Variants in DAB1 observed in about 807,000 individuals in gnomAD.
DAB1 encodes the protein disabled homolog 1.
DAB1 carries 15 observed loss-of-function variants against 64.6 expected under a neutral mutation model. The observed-to-expected ratio is 0.23, with a 90% confidence interval of 0.16 to 0.36. The LOEUF is 0.36. Among genes scored for constraint, DAB1 ranks in the 10% least tolerant of loss-of-function variants. The probability of loss-of-function intolerance (pLI) is 1.00; values close to 1 mark genes in which losing one functional copy is unlikely to be tolerated. For missense variants in DAB1, 596 were observed against 706.7 expected (o/e 0.84, Z 1.78); for synonymous variants, 235 against 251.9 (o/e 0.93, Z 0.64).
intron 5 of DAB1, among the ~76,000 whole-genome samples, chr1:58,127,678 G>A (rs2100687111): frequency 6.6e-6 from 1 of 152,224 alleles, no homozygotes; most frequent in Admixed American, 6.5e-5. Context: ...TTCTACATAT[G>A]GCTAGCCAGT....
chr1:58,339,392 A>G (rs1383591410), intron 4 of DAB1, among the ~76,000 whole-genome samples: 1 of 152,198 alleles, frequency 6.6e-6, no homozygotes, highest in Non-Finnish European at 1.5e-5. Context: ...AGGAGCTTAT[A>G]TTTGGCAGGG....
intron 9 of DAB1, among the ~76,000 whole-genome samples, chr1:57,054,470 CTTTTTTT>C (rs58175883): frequency 2.9e-5 from 2 of 69,450 alleles, no homozygotes; most frequent in South Asian, 6.7e-4. Flanking sequence ...CAGGAATGTG[CTTTTTTT>C]TTTTTTTTTT....
chr1:57,443,754 T>C (rs1293558129), intron 7 of DAB1, among the ~76,000 whole-genome samples: 1 of 152,194 alleles, frequency 6.6e-6, no homozygotes, highest in Non-Finnish European at 1.5e-5. Context: ...AACTCCAACA[T>C]ATAACTCAAA....
At chr1:57,801,497 G>A (rs189698130) in intron 6 of DAB1, among the ~76,000 whole-genome samples, 274 of 152,226 alleles carry the variant, frequency 1.8e-3, no homozygotes, top group African/African-American at 6.4e-3. Flanking sequence ...TCTTTGGAAT[G>A]TACTTTTGGA....
At chr1:57,626,759 G>C (rs886675836) in intron 7 of DAB1, among the ~76,000 whole-genome samples, 2 of 152,178 alleles carry the variant, frequency 1.3e-5, no homozygotes, top group Non-Finnish European at 2.9e-5. Context: ...CATGGCAGAA[G>C]AGGTGAGGGA....
chr1:58,172,602 T>G (rs1656238319), intron 4 of DAB1, among the ~76,000 whole-genome samples: 1 of 152,194 alleles, frequency 6.6e-6, no homozygotes, highest in South Asian at 2.1e-4. Flanking sequence ...TGCCAACAAA[T>G]TATAGTACAG....
chr1:57,359,423 T>C (rs1305564277), intron 1 of DAB1, among the ~76,000 whole-genome samples: 3 of 151,876 alleles, frequency 2.0e-5, no homozygotes, highest in Non-Finnish European at 4.4e-5. Flanking sequence ...ATGTCTGCTA[T>C]CAAAAATAAA....
At chr1:57,019,546 T>G (rs706353) in intron 11 of DAB1, among the ~76,000 whole-genome samples, 40,896 of 152,022 alleles carry the variant, frequency 0.27, 7,958 homozygotes, top group African/African-American at 0.54. Flanking sequence ...TTCCTAGGGG[T>G]TCCCTGCAGG....
chr1:58,227,145 C>A (rs1194960844), intron 4 of DAB1, among the ~76,000 whole-genome samples: 3 of 152,192 alleles, frequency 2.0e-5, no homozygotes, highest in African/African-American at 7.2e-5. Context: ...AAGGTTTGTT[C>A]TTCCTTCAAC....
intron 2 of DAB1, among the ~76,000 whole-genome samples, chr1:57,176,580 C>T (rs1662340310): frequency 6.6e-6 from 1 of 152,074 alleles, no homozygotes; most frequent in Admixed American, 6.6e-5. Flanking sequence ...AAAACCCCTC[C>T]ACCATAATCT....
intron 4 of DAB1, among the ~76,000 whole-genome samples, chr1:58,195,508 C>G (rs1369474418): frequency 6.6e-6 from 1 of 152,200 alleles, no homozygotes; most frequent in African/African-American, 2.4e-5. Context: ...GATGTAAGAA[C>G]AGACACACAG....
intron 1 of DAB1, among the ~76,000 whole-genome samples, chr1:57,844,107 A>G (rs1653172580): frequency 6.6e-6 from 1 of 152,210 alleles, no homozygotes; most frequent in Non-Finnish European, 1.5e-5. Flanking sequence ...TACCACAGTA[A>G]AACTCCTCAT....
intron 4 of DAB1, among the ~76,000 whole-genome samples, chr1:58,184,098 A>C (rs1350094408): frequency 6.6e-6 from 1 of 152,096 alleles, no homozygotes; most frequent in East Asian, 1.9e-4. Flanking sequence ...TTATAGGGTC[A>C]GGATTTGCTT....
intron 6 of DAB1, among the ~76,000 whole-genome samples, chr1:57,669,002 T>A (rs1200824215): frequency 6.6e-6 from 1 of 152,142 alleles, no homozygotes; most frequent in African/African-American, 2.4e-5. Context: ...TGCGAGCTTT[T>A]GTGATTATGT....
intron 3 of DAB1, among the ~76,000 whole-genome samples, chr1:58,498,356 G>T (rs1354770309): frequency 6.6e-6 from 1 of 151,910 alleles, no homozygotes; most frequent in African/African-American, 2.4e-5. Context: ...CTCATGAGAG[G>T]TTTAAATTTT....
In DAB1 at chr1:57,192,745, G is replaced by A. The variant is rs74760545; in HGVS notation, c.68-47316C>T. On this transcript the variant is annotated intron_variant, in intron 2 of 14. Coordinates refer to ENST00000371236, the MANE Select transcript of DAB1 (RefSeq NM_001365792.1). ...ACATGCAGGTGGGCAGGTCAGCCCT[G>A]CCTTGATAAAAATCACAGAATTTCA... is the stretch of plus-strand genomic sequence containing the variant. 4.8e-3 allele frequency among the ~76,000 whole-genome samples: 737 copies of A among 152,258 alleles called. 22 individuals carry two copies. The East Asian group carries it at 0.086, about 18-fold the overall frequency.
At chr1:58,236,103 C>A (rs1333120020) in intron 4 of DAB1, among the ~76,000 whole-genome samples, 1 of 148,440 alleles carries the variant, frequency 6.7e-6, no homozygotes, top group Non-Finnish European at 1.5e-5. Flanking sequence ...CCCTGCCCGC[C>A]CCCCCGCCCC....
rs555321067 is a variant in DAB1, at chr1:57,763,342, T to C, written n.552-113677A>G. ...TGCACTGTAGGGAATCAAACCTGTT[T>C]AGCAAAGTAATGGTAAGATTTAGTT... On this transcript the variant is annotated intron_variant and non_coding_transcript_variant, in intron 6 of 20. Coordinates refer to the DAB1 transcript ENST00000485760. Among the ~76,000 whole-genome samples, 7 of 152,264 alleles carry C rather than the reference T, an allele frequency of 4.6e-5. No homozygotes were observed. The East Asian group carries it at 1.4e-3, about 29-fold the overall frequency.
chr1:58,292,419 A>G (rs1334338659), intron 4 of DAB1, among the ~76,000 whole-genome samples: 1 of 152,230 alleles, frequency 6.6e-6, no homozygotes, highest in East Asian at 1.9e-4. Context: ...TACTATGAGG[A>G]TTAAGGATGA....
Sources: gnomAD v4.1 joint callset for allele counts (sites outside exome capture counted in the v4.1 genomes callset) on GRCh38, gnomAD v4.1.1 for gene constraint, MANE v1.5 for transcripts, NCBI Gene and HGNC (gene_info 2026-07-23, HGNC 2026-07-21) for gene names.